CUX1: variants seen among roughly 807,000 people sequenced by gnomAD.
CUX1 encodes protein CASP.
CUX1 carries 31 observed loss-of-function variants against 158.8 expected under a neutral mutation model. The ratio of observed to expected loss-of-function variants is 0.20; its 90% CI spans 0.15 to 0.26. The LOEUF (loss-of-function observed/expected upper bound fraction) is 0.26, where lower values mean the gene tolerates loss of function less well. Ranked by LOEUF, CUX1 falls within the 10% of genes least tolerant of loss-of-function variation. The pLI, the probability that CUX1 is intolerant of heterozygous loss-of-function variation, is 1.00. For synonymous variants in CUX1, 879 were observed against 862.1 expected, an observed-to-expected ratio of 1.02 and a Z score of -0.34; for missense variants, 1,589 against 2,014.6, an observed-to-expected ratio of 0.79 and a Z score of 4.04.
chr7:102,279,378 A>T (rs1367845534), intron 18 of CUX1, among the ~76,000 whole-genome samples: 1 of 150,454 alleles, frequency 6.6e-6, no homozygotes, highest in African/African-American at 2.5e-5. Flanking sequence ...ATGTAAACAG[A>T]ATTTGGTCCA....
intron 2 of CUX1, among the ~76,000 whole-genome samples, chr7:101,929,150 TAGG>T (rs1806004095): frequency 6.6e-6 from 1 of 152,014 alleles, no homozygotes; most frequent in African/African-American, 2.4e-5. Flanking sequence ...CACTCCAGCC[TAGG>T]CTACAGAGTG....
chr7:101,834,165 C>CTTT (rs575992276), intron 1 of CUX1, among the ~76,000 whole-genome samples: 3,523 of 71,094 alleles, frequency 0.05, 571 homozygotes, highest in Non-Finnish European at 0.074. Context: ...CTGATTGTTT[C>CTTT]TTTTTTTTTT....
At chr7:101,913,581 C>G (rs902007405) in intron 1 of CUX1, 28 of 256,508 alleles carry the variant, frequency 1.1e-4, no homozygotes, top group Non-Finnish European at 1.3e-4. Flanking sequence ...CTGGCATCTT[C>G]CCCAGCGTTT....
Position 102,180,896 on chromosome 7 carries a change from T to TTTTTA in CUX1, c.1017+2257_1017+2261dup, listed in dbSNP as rs781956443. Among the ~76,000 whole-genome samples the TTTTTA allele has an allele frequency of 2.9e-3, 411 of 142,620 alleles. 7 individuals are homozygous for TTTTTA. Among genetic ancestry groups the TTTTTA allele is most frequent in the Non-Finnish European group, 5.0e-3 (329 of 66,464 alleles). 93.6% of individuals were successfully genotyped at this position (142,620 alleles called of 152,430 possible). On this transcript the variant is annotated intron_variant, in intron 11 of 23. Coordinates refer to ENST00000292535, the MANE Select transcript of CUX1 (RefSeq NM_181552.4). ...CCTCAGCCAGGTCGTTTTTTTTAAA[T>TTTTTA]TTTTATTTTATTTTATTTTATTGTA...
At chr7:101,949,590 G>A (rs574398497) in intron 2 of CUX1, among the ~76,000 whole-genome samples, 1 of 150,430 alleles carries the variant, frequency 6.6e-6, no homozygotes, top group Non-Finnish European at 1.5e-5. Flanking sequence ...GAATGTAGTG[G>A]CACGATATTG....
At position 102,013,045 on chromosome 7, in the gene CUX1, G is replaced by A. The variant is rs1017589097; in HGVS notation, c.142-15053G>A. 3.3e-5 allele frequency among the ~76,000 whole-genome samples: 5 copies of A among 151,248 alleles called. No homozygotes were observed. In the Admixed American group the frequency reaches 3.3e-4, roughly 10 times the overall value. On this transcript the variant is annotated intron_variant, in intron 2 of 23. Transcript: ENST00000292535. The stretch of plus-strand genomic sequence containing the variant: ...GCCCTGTGGTGTTCGCTAAGATGTA[G>A]CAAGAATGTAAATAGCTAGGTACTT...
At chr7:102,090,448 C>T (rs1329055923) in intron 4 of CUX1, among the ~76,000 whole-genome samples, 6 of 151,136 alleles carry the variant, frequency 4.0e-5, no homozygotes, top group East Asian at 1.9e-4. Flanking sequence ...AGTGCAGTGG[C>T]GCAATCTCAG....
At chr7:101,884,811 C>G (rs923521295) in intron 1 of CUX1, among the ~76,000 whole-genome samples, 1 of 152,100 alleles carries the variant, frequency 6.6e-6, no homozygotes, top group Non-Finnish European at 1.5e-5. Flanking sequence ...ATTGGATAAA[C>G]AGAGGATTTG....
intron 3 of CUX1, among the ~76,000 whole-genome samples, chr7:102,069,167 G>A (rs550559397): frequency 8.5e-5 from 13 of 152,210 alleles, no homozygotes; most frequent in East Asian, 7.7e-4. Context: ...AAGCAGTGAC[G>A]TCCGAGGGTT....
intron 1 of CUX1, among the ~76,000 whole-genome samples, chr7:101,842,446 G>A (rs929175363): frequency 3.3e-5 from 5 of 152,100 alleles, no homozygotes; most frequent in African/African-American, 1.2e-4. Flanking sequence ...GGCACGCAGT[G>A]GCGTGATCTC....
At chr7:102,021,016 C>T (rs538036524) in intron 2 of CUX1, among the ~76,000 whole-genome samples, 4 of 152,240 alleles carry the variant, frequency 2.6e-5, no homozygotes, top group African/African-American at 9.6e-5. Context: ...GGCCAGGTCC[C>T]TAAGGGTCCC....
At chr7:102,260,188 C>T (rs1445112887), downstream of CUX1, among the ~76,000 whole-genome samples, 1 of 151,456 alleles carries the variant, frequency 6.6e-6, no homozygotes, top group African/African-American at 2.4e-5. Flanking sequence ...CCTCCTCCTC[C>T]CAGGCTTAAG....
At chr7:102,107,922 C>T (rs1277276292) in intron 6 of CUX1, among the ~76,000 whole-genome samples, 4 of 152,202 alleles carry the variant, frequency 2.6e-5, no homozygotes, top group Non-Finnish European at 4.4e-5. Context: ...TGGGGGAGCG[C>T]GGCAGGGCAC....
chr7:101,988,904 C>T (rs949778060), intron 2 of CUX1, among the ~76,000 whole-genome samples: 9 of 152,190 alleles, frequency 5.9e-5, no homozygotes, highest in African/African-American at 2.2e-4. Context: ...AAGGCCAAGG[C>T]AGGAGGATTG....
At chr7:101,995,225 A>G (rs1279044739) in intron 2 of CUX1, among the ~76,000 whole-genome samples, 1 of 152,112 alleles carries the variant, frequency 6.6e-6, no homozygotes, top group Non-Finnish European at 1.5e-5. Flanking sequence ...TGCCTTAGGA[A>G]CACTCCTCAT....
chr7:101,906,564 C>T (rs879734906), intron 1 of CUX1, among the ~76,000 whole-genome samples: 1 of 151,826 alleles, frequency 6.6e-6, no homozygotes, highest in Non-Finnish European at 1.5e-5. Context: ...GGCATTTGAG[C>T]AGGGAACGCC....
chr7:102,223,554 A>C (rs1260845394), intron 20 of CUX1, among the ~76,000 whole-genome samples: 1 of 152,214 alleles, frequency 6.6e-6, no homozygotes, highest in African/African-American at 2.4e-5. Context: ...AATATGGTCA[A>C]TAGAAAAGAA....
intron 2 of CUX1, among the ~76,000 whole-genome samples, chr7:101,926,281 C>A (rs1457154126): frequency 6.6e-6 from 1 of 152,164 alleles, no homozygotes. Context: ...CAATTAAACC[C>A]TTTAAGCCAG....
chr7:102,202,376 C>T (rs1394128561), intron 18 of CUX1, among the ~76,000 whole-genome samples, 172 bp downstream of exon 18: 3 of 152,200 alleles, frequency 2.0e-5, no homozygotes, highest in African/African-American at 7.2e-5. Context: ...ATTGCAGCCC[C>T]GATCCCATTT....
Sources: allele counts gnomAD v4.1 joint callset (sites outside exome capture counted in the v4.1 genomes callset), GRCh38; gene constraint gnomAD v4.1.1; transcripts MANE v1.5; gene names NCBI Gene and HGNC (gene_info 2026-07-23, HGNC 2026-07-21).